The following ARHGAP32 variants were observed in gnomAD, a reference collection of about 807,000 sequenced individuals.
The protein encoded by ARHGAP32 is rho GTPase-activating protein 32.
Under a neutral mutation model 186.5 loss-of-function variants are expected in ARHGAP32, and 51 were observed. That is an observed-to-expected ratio of 0.27 (90% CI 0.22 to 0.35). ARHGAP32 has a LOEUF of 0.35. Ranked by LOEUF, ARHGAP32 falls within the 10% of genes least tolerant of loss-of-function variation. ARHGAP32 has a pLI of 1.00. For synonymous variants in ARHGAP32, 950 were observed against 964.3 expected (o/e 0.99, Z 0.27); for missense variants, 2,186 against 2,623.5 (o/e 0.83, Z 3.64).
chr11:129,125,216 C>A (rs956756940), intron 2 of ARHGAP32, among the ~76,000 whole-genome samples: 7 of 151,826 alleles, frequency 4.6e-5, no homozygotes, highest in East Asian at 1.9e-4. Context: ...AATAAAATAA[C>A]CTTTGTTAAA....
At chr11:129,147,521 C>G (rs1415915254) in intron 2 of ARHGAP32, among the ~76,000 whole-genome samples, 5 of 152,148 alleles carry the variant, frequency 3.3e-5, no homozygotes, top group Admixed American at 3.3e-4. Flanking sequence ...ATTCCATAGG[C>G]GTATGGGATT....
At chr11:129,011,526 G>T (rs1023386613) in intron 11 of ARHGAP32, among the ~76,000 whole-genome samples, 4 of 152,172 alleles carry the variant, frequency 2.6e-5, no homozygotes, top group Non-Finnish European at 5.9e-5. Context: ...CATGAGAGGG[G>T]TAGGGAGCCA....
At chr11:129,151,589 C>A (rs675050) in intron 2 of ARHGAP32, among the ~76,000 whole-genome samples, 1 of 151,794 alleles carries the variant, frequency 6.6e-6, no homozygotes, top group Non-Finnish European at 1.5e-5. Flanking sequence ...TAAAAACACA[C>A]GAAAATTAAA....
rs112411848 is a variant in ARHGAP32 at position 128,972,821 on chromosome 11, A to G, written c.3685T>C (p.Ser1229Pro). ...TTATCCACACTTGCACCAAGATAAG[A>G]AGGAGGCTGATCTCCACTGTAGAAA... ...PRFYSGDQPP[S>P]YLGASVDKLH... The change falls in exon 22 of 23, where the codon TCT (serine) becomes CCT (proline). Residue 1229 changes from serine (S) to proline (P), a missense_variant. By Grantham distance (74) the Ser-to-Pro change is moderately conservative. Coordinates refer to ENST00000682385, the MANE Select transcript of ARHGAP32 (RefSeq NM_001378024.1). The G allele has an allele frequency of 1.5e-3, 2,378 of 1,613,970 alleles. 33 individuals carry two copies. In the African/African-American group the frequency reaches 0.028, roughly 19 times the overall value.
At chr11:129,232,518 G>C (rs1271760623) in intron 1 of ARHGAP32, among the ~76,000 whole-genome samples, 1 of 152,104 alleles carries the variant, frequency 6.6e-6, no homozygotes, top group African/African-American at 2.4e-5. Flanking sequence ...TCAAGTAAAA[G>C]TCAGATTCTG....
intron 18 of ARHGAP32, 143 bp from the exon 19 acceptor site, chr11:128,979,058 C>T: frequency 1.5e-6 from 1 of 679,898 alleles, no homozygotes; most frequent in Non-Finnish European, 2.4e-6. Context: ...ACCTTCCAGA[C>T]AGCACACTCT....
At chr11:129,165,627 T>C (rs1943622680) in intron 1 of ARHGAP32, among the ~76,000 whole-genome samples, 1 of 149,460 alleles carries the variant, frequency 6.7e-6, no homozygotes, top group Non-Finnish European at 1.5e-5. Context: ...AAAAAAATAG[T>C]CAAACCAGAA....
Position 128,974,296 on chromosome 11 carries a change from G to A in ARHGAP32, c.2901C>T (p.Pro967=), listed in dbSNP as rs781140960. The A allele has an allele frequency of 1.9e-6, 3 of 1,614,068 alleles. No individual in the cohort carries two copies. In the East Asian group the frequency reaches 6.7e-5, roughly 36 times the overall value. The change falls in exon 21 of 23, where the codon CCC becomes CCT. Residue 967 remains proline, a synonymous_variant. Transcript: ENST00000682385. ...TTGTTTTCATCTTTACTATCTGGGT[G>A]GGGGATCTATTTGTGGCATCCCTTT... The part of the protein sequence containing the change: ...VEERDATNRS[P]TQIVKMKTNE...
At chr11:128,992,579 C>T (rs1946089262) in intron 12 of ARHGAP32, among the ~76,000 whole-genome samples, 1 of 151,858 alleles carries the variant, frequency 6.6e-6, no homozygotes, top group Admixed American at 6.6e-5. Flanking sequence ...GAGTTCAAGA[C>T]CAGCCTGGCC....
At chr11:129,055,949 T>C (rs963919177) in intron 10 of ARHGAP32, among the ~76,000 whole-genome samples, 6 of 152,188 alleles carry the variant, frequency 3.9e-5, no homozygotes, top group Non-Finnish European at 8.8e-5. Context: ...TATTGATTCA[T>C]TAATTATAAC....
At chr11:129,209,182 T>G (rs1944550053) in intron 1 of ARHGAP32, among the ~76,000 whole-genome samples, 1 of 152,148 alleles carries the variant, frequency 6.6e-6, no homozygotes, top group Non-Finnish European at 1.5e-5. Context: ...TATTTAGAGA[T>G]TTATTTTGAT....
In ARHGAP32 at chr11:128,985,856, GTGTATA is replaced by G. The variant is rs1287622086; in HGVS notation, c.1526+141_1526+146del. ...CGTGTGTGTGTGTGTGTGTGTGTGT[GTGTATA>G]TATATATATATATATATATATATGA... On this transcript the variant is annotated intron_variant, in intron 15 of 22. Coordinates refer to ENST00000682385, the MANE Select transcript of ARHGAP32 (RefSeq NM_001378024.1). 5.6e-3 allele frequency: 621 copies of G among 110,996 alleles called. 2 individuals are homozygous for G. Among genetic ancestry groups the G allele is most frequent in the African/African-American group, 0.013 (323 of 24,312 alleles). The allele number at this position is 110,996 out of a possible 1,614,324, so 6.9% of individuals were successfully genotyped here. A position where few individuals can be genotyped will look rare whatever the true frequency, so the allele number is the denominator to read the frequency against.
At chr11:129,086,626 C>T (rs1350811979) in intron 6 of ARHGAP32, among the ~76,000 whole-genome samples, 2 of 152,058 alleles carry the variant, frequency 1.3e-5, no homozygotes, top group South Asian at 4.1e-4. Flanking sequence ...TCGAGACCAT[C>T]CCGGCTAGCA....
intron 6 of ARHGAP32, among the ~76,000 whole-genome samples, chr11:129,089,504 G>C (rs1418597158): frequency 1.3e-5 from 2 of 152,118 alleles, no homozygotes; most frequent in Admixed American, 6.5e-5. Flanking sequence ...CAAAGTACAG[G>C]AAAGAACTCA....
intron 1 of ARHGAP32, among the ~76,000 whole-genome samples, chr11:129,252,419 G>C (rs550770699): frequency 6.6e-6 from 1 of 152,282 alleles, no homozygotes; most frequent in South Asian, 2.1e-4. Context: ...TTCGGTCCTT[G>C]AGAGCGGATT....
At chr11:128,995,649 G>C (rs1376462491) in intron 12 of ARHGAP32, among the ~76,000 whole-genome samples, 1 of 152,154 alleles carries the variant, frequency 6.6e-6, no homozygotes, top group African/African-American at 2.4e-5. Context: ...GATCAGCCTG[G>C]CCAACATGGC....
chr11:129,135,162 C>T (rs538971081), intron 2 of ARHGAP32, among the ~76,000 whole-genome samples: 1 of 152,206 alleles, frequency 6.6e-6, no homozygotes, highest in Admixed American at 6.5e-5. Context: ...GACTTATCTG[C>T]AGAAATTGGG....
intron 1 of ARHGAP32, among the ~76,000 whole-genome samples, chr11:129,184,823 A>C (rs1333983444): frequency 1.3e-5 from 2 of 152,210 alleles, no homozygotes; most frequent in African/African-American, 4.8e-5. Flanking sequence ...GAAAAGAAAA[A>C]AACAGATTGG....
At chr11:129,182,839 G>A (rs1392978832) in intron 1 of ARHGAP32, among the ~76,000 whole-genome samples, 1 of 151,576 alleles carries the variant, frequency 6.6e-6, no homozygotes, top group African/African-American at 2.4e-5. Context: ...GTAGTGACGG[G>A]GTCTTGCTAT....
Sources: gnomAD v4.1 joint callset for allele counts (sites outside exome capture counted in the v4.1 genomes callset) on GRCh38, gnomAD v4.1.1 for gene constraint, MANE v1.5 for transcripts, NCBI Gene and HGNC (gene_info 2026-07-23, HGNC 2026-07-21) for gene names.